Variants in CFAP92 observed in about 807,000 individuals in gnomAD.
The protein encoded by CFAP92 is uncharacterized protein CFAP92.
A neutral mutation model predicts 106.3 loss-of-function variants in CFAP92; 86 were observed. The ratio of observed to expected loss-of-function variants is 0.81; its 90% CI spans 0.68 to 0.97. The LOEUF is 0.97. CFAP92 is among the 50% of genes least tolerant of loss of function. The pLI, the probability that CFAP92 is intolerant of heterozygous loss-of-function variation, is 0.00. For synonymous variants in CFAP92, 477 were observed against 506.4 expected (o/e 0.94, Z 0.78); for missense variants, 1,204 against 1,283.8 (o/e 0.94, Z 0.95).
At chr3:128,966,013 C>T (rs1576556985) in intron 8 of CFAP92, among the ~76,000 whole-genome samples, 1 of 152,088 alleles carries the variant, frequency 6.6e-6, no homozygotes, top group East Asian at 1.9e-4. Context: ...GTGTGGGTGC[C>T]ACTCCCAGAC....
At chr3:128,979,167 C>T (rs1559924654) in intron 4 of CFAP92, among the ~76,000 whole-genome samples, 1 of 152,238 alleles carries the variant, frequency 6.6e-6, no homozygotes, top group Non-Finnish European at 1.5e-5. Flanking sequence ...CAAAAGAAGA[C>T]ATCTATGCAG....
intron 9 of CFAP92, 52 bp downstream of exon 9, chr3:128,965,459 G>A: frequency 2.5e-6 from 1 of 398,890 alleles, no homozygotes; most frequent in South Asian, 1.3e-4. Flanking sequence ...GTGACGGGCA[G>A]GTGGGTGGAA....
Position 128,945,561 on chromosome 3 carries a change from C to T in CFAP92, c.1768G>A (p.Glu590Lys), listed in dbSNP as rs867419824. ...TGGCCGCAGTGTGTGGGCTGAACCT[C>T]ACAGCTGTGGATGGGGACGGCCAGA... The part of the protein sequence containing the change: ...LNLAVPIHSC[E>K]VQPTHCGQDS... The change falls in exon 10 of 16, where the codon GAG (glutamate) becomes AAG (lysine). Residue 590 changes from glutamate (E) to lysine (K), a missense_variant. Coordinates refer to ENST00000645291, the MANE Select transcript of CFAP92 (RefSeq NM_001394090.1). 1 of 1,536,210 alleles carries T rather than the reference C, an allele frequency of 6.5e-7. No individual in the cohort carries two copies. The highest frequency in any genetic ancestry group is 8.7e-7 in the Non-Finnish European group (1 of 1,146,932).
intron 12 of CFAP92, among the ~76,000 whole-genome samples, chr3:128,921,434 A>G (rs1683782): frequency 0.25 from 37,631 of 152,188 alleles, 5,121 homozygotes; most frequent in East Asian, 0.58. Context: ...CTGCTATTAG[A>G]CCCCTGACAG....
At chr3:128,941,275 A>T (rs1417581039) in intron 10 of CFAP92, among the ~76,000 whole-genome samples, 1 of 152,156 alleles carries the variant, frequency 6.6e-6, no homozygotes, top group Non-Finnish European at 1.5e-5. Context: ...ACATTAAATA[A>T]TCTTATCTGA....
At chr3:129,001,284 G>A (rs939338537) in intron 1 of CFAP92, among the ~76,000 whole-genome samples, 2 of 152,318 alleles carry the variant, frequency 1.3e-5, no homozygotes, top group South Asian at 2.1e-4. Flanking sequence ...GTGGACGGCC[G>A]GGAGTGGGAG....
At chr3:128,918,440 T>C (rs930038190) in intron 12 of CFAP92, among the ~76,000 whole-genome samples, 6 of 152,204 alleles carry the variant, frequency 3.9e-5, no homozygotes, top group Admixed American at 2.0e-4. Flanking sequence ...GCCACTCTAC[T>C]CCAGCCTGGG....
At chr3:128,944,066 A>T (rs543184545) in intron 10 of CFAP92, among the ~76,000 whole-genome samples, 1 of 151,428 alleles carries the variant, frequency 6.6e-6, no homozygotes, top group African/African-American at 2.4e-5. Context: ...AGTAGCTGTG[A>T]TTACAGGCAT....
intron 10 of CFAP92, among the ~76,000 whole-genome samples, chr3:128,943,494 C>T (rs1281704750): frequency 6.6e-6 from 1 of 152,068 alleles, no homozygotes; most frequent in Non-Finnish European, 1.5e-5. Context: ...TTTGACTTAG[C>T]ATAATGTTTC....
At chr3:128,963,086 A>G (rs1576544270) in intron 9 of CFAP92, among the ~76,000 whole-genome samples, 1 of 152,184 alleles carries the variant, frequency 6.6e-6, no homozygotes, top group South Asian at 2.1e-4. Flanking sequence ...GACAGCCCCC[A>G]TTACTTCAGT....
chr3:129,018,990 C>G, the CFAP92 span, among the ~76,000 whole-genome samples: 2 of 152,204 alleles, frequency 1.3e-5, no homozygotes, highest in Non-Finnish European at 2.9e-5. Context: ...AACTGCCTGC[C>G]ACTCCAGATG....
At chr3:129,025,298 C>T in the CFAP92 span, among the ~76,000 whole-genome samples, 6 of 152,044 alleles carry the variant, frequency 3.9e-5, no homozygotes, top group East Asian at 5.9e-4. Flanking sequence ...GGGGTCGGGA[C>T]GGAGAGGCAA....
chr3:129,017,151 A>C, the CFAP92 span, among the ~76,000 whole-genome samples: 1 of 152,200 alleles, frequency 6.6e-6, no homozygotes, highest in African/African-American at 2.4e-5. Flanking sequence ...CTTTGGCCAG[A>C]ATTGCATCAC....
At chr3:128,920,207 C>T (rs1285996334) in intron 12 of CFAP92, among the ~76,000 whole-genome samples, 1 of 152,134 alleles carries the variant, frequency 6.6e-6, no homozygotes, top group Non-Finnish European at 1.5e-5. Context: ...AGTTAGAGAC[C>T]AGCCTAACCA....
chr3:128,911,086 C>T (rs1156535248), intron 15 of CFAP92, among the ~76,000 whole-genome samples: 2 of 152,202 alleles, frequency 1.3e-5, no homozygotes, highest in Non-Finnish European at 2.9e-5. Flanking sequence ...GATGGAGTTT[C>T]GCTCTTGTTG....
At position 128,932,971 on chromosome 3, in the gene CFAP92, G is replaced by T. The variant is rs1314582309; in HGVS notation, c.2480C>A (p.Thr827Asn). 1.3e-6 allele frequency: 2 copies of T among 1,536,094 alleles called. No homozygotes were observed. Among genetic ancestry groups the T allele is most frequent in the Non-Finnish European group, 1.7e-6 (2 of 1,146,902 alleles). The change falls in exon 12 of 16, where the codon ACC becomes AAC. Residue 827 changes from threonine (T) to asparagine (N), a missense_variant. Coordinates refer to ENST00000645291, the MANE Select transcript of CFAP92 (RefSeq NM_001394090.1). The part of the protein sequence containing the change: ...ARIHDICYNS[T>N]TLWDVTVRDL... ...CCTCACCGTCACGTCCCAGAGGGTG[G>T]TGCTGTTATAGCAGATGTCGTGGAT...
the CFAP92 span, among the ~76,000 whole-genome samples, chr3:129,012,761 G>T: frequency 6.6e-6 from 1 of 152,190 alleles, no homozygotes; most frequent in Admixed American, 6.5e-5. Flanking sequence ...AAGGATGCAG[G>T]TTAGACAGAA....
intron 10 of CFAP92, among the ~76,000 whole-genome samples, chr3:128,938,650 C>G (rs181965404): frequency 0.041 from 6,287 of 151,940 alleles, 168 homozygotes; most frequent in Non-Finnish European, 0.058. Flanking sequence ...CCCACCACCA[C>G]GCCCGGCTAA....
chr3:128,922,197 G>A (rs1469185804), intron 12 of CFAP92, among the ~76,000 whole-genome samples: 1 of 151,930 alleles, frequency 6.6e-6, no homozygotes, highest in Non-Finnish European at 1.5e-5. Context: ...AAAAAAATTA[G>A]CTGGGCATGG....
Sources: allele counts gnomAD v4.1 joint callset (sites outside exome capture counted in the v4.1 genomes callset), GRCh38; gene constraint gnomAD v4.1.1; transcripts MANE v1.5; gene names NCBI Gene and HGNC (gene_info 2026-07-23, HGNC 2026-07-21).